Variants in CAMK1D observed in about 807,000 individuals in gnomAD.
The protein encoded by CAMK1D is calcium/calmodulin-dependent protein kinase type 1D.
Under a neutral mutation model 47.7 loss-of-function variants are expected in CAMK1D, and 9 were observed. The observed-to-expected ratio is 0.19, with a 90% CI of 0.11 to 0.33. The LOEUF (loss-of-function observed/expected upper bound fraction) is 0.33. Ranked by LOEUF, CAMK1D falls within the 10% of genes least tolerant of loss-of-function variation. The probability of loss-of-function intolerance (pLI) is 1.00; values close to 1 mark genes in which losing one functional copy is unlikely to be tolerated. For synonymous variants in CAMK1D, 184 were observed against 184.9 expected (o/e 0.99, Z 0.04); for missense variants, 291 against 488.7 (o/e 0.60, Z 3.81).
intron 3 of CAMK1D, among the ~76,000 whole-genome samples, chr10:12,751,068 T>G (rs546179417): frequency 4.8e-5 from 1 of 20,688 alleles, no homozygotes; most frequent in Non-Finnish European, 8.9e-5. Flanking sequence ...TAAGATAAGA[T>G]AAGATAAGAT....
At chr10:12,771,877 T>A (rs1837054774) in intron 5 of CAMK1D, among the ~76,000 whole-genome samples, 1 of 151,938 alleles carries the variant, frequency 6.6e-6, no homozygotes, top group Non-Finnish European at 1.5e-5. Flanking sequence ...CTACTAAAAA[T>A]ACAAAAATTA....
At chr10:12,691,349 CTATATATATATATATATATATA>C (rs1202030191) in intron 3 of CAMK1D, among the ~76,000 whole-genome samples, 1 of 74,524 alleles carries the variant, frequency 1.3e-5, no homozygotes, top group African/African-American at 6.2e-5. Context: ...CTGAAGTTTT[CTATATATATATATATATATATA>C]TATATAAATA....
rs1451987112 is a variant in CAMK1D, at chr10:12,409,843, A to G, written c.92+59933A>G. 1.3e-5 allele frequency among the ~76,000 whole-genome samples: 2 copies of G among 152,328 alleles called. 1 individual carries two copies. Among genetic ancestry groups the G allele is most frequent in the East Asian group, 3.9e-4 (2 of 5,190 alleles). ...CATCCCAAACAGAAACTCTGTACCC[A>G]TTAAGCGGTAGCTCCGCAGTACCTC... On this transcript the variant is annotated intron_variant, in intron 1 of 10. Coordinates refer to ENST00000619168, the MANE Select transcript of CAMK1D (RefSeq NM_153498.4).
chr10:12,490,798 A>C (rs1834360475), intron 1 of CAMK1D, among the ~76,000 whole-genome samples: 2 of 152,154 alleles, frequency 1.3e-5, no homozygotes, highest in Admixed American at 1.3e-4. Context: ...TGAGCCAAAA[A>C]GAAAAAAGAA....
chr10:12,667,014 T>G (rs960972045), intron 3 of CAMK1D: 1 of 564,314 alleles, frequency 1.8e-6, no homozygotes, highest in Non-Finnish European at 3.2e-6. Context: ...TGCACCAGCC[T>G]GCACTGCTGG....
intron 1 of CAMK1D, among the ~76,000 whole-genome samples, chr10:12,534,168 GTCTATCTA>G (rs3995719): frequency 4.0e-5 from 6 of 151,274 alleles, no homozygotes; most frequent in African/African-American, 1.5e-4. Context: ...CTATCTATCT[GTCTATCTA>G]TCTATCTATC....
At chr10:12,620,221 A>AAAAAAAAAAAG (rs1838958004) in intron 2 of CAMK1D, among the ~76,000 whole-genome samples, 1 of 149,340 alleles carries the variant, frequency 6.7e-6, no homozygotes, top group Non-Finnish European at 1.5e-5. Context: ...AAAAAAAATA[A>AAAAAAAAAAAG]AGCTGCTATA....
chr10:12,694,491 T>C (rs1833163664), intron 3 of CAMK1D, among the ~76,000 whole-genome samples: 1 of 129,410 alleles, frequency 7.7e-6, no homozygotes, highest in South Asian at 2.3e-4. Context: ...ATATGATATA[T>C]AACATAAAAT....
chr10:12,768,826 A>G (rs1402182144), intron 4 of CAMK1D, among the ~76,000 whole-genome samples: 2 of 152,212 alleles, frequency 1.3e-5, no homozygotes, highest in Admixed American at 6.5e-5. Context: ...CTTGCTAGGA[A>G]CAATGAGATT....
intron 5 of CAMK1D, among the ~76,000 whole-genome samples, chr10:12,786,076 G>T (rs1837712023): frequency 6.6e-6 from 1 of 151,992 alleles, no homozygotes; most frequent in African/African-American, 2.4e-5. Context: ...GATCTTGGTG[G>T]GCTTTTTCAA....
At chr10:12,816,416 G>A in intron 8 of CAMK1D, 88 bp downstream of exon 8, 1 of 1,024,730 alleles carries the variant, frequency 9.8e-7, no homozygotes. Context: ...TGTCATTTAT[G>A]AAATCCACAC....
At chr10:12,600,563 G>A (rs1364946125) in intron 2 of CAMK1D, among the ~76,000 whole-genome samples, 1 of 152,180 alleles carries the variant, frequency 6.6e-6, no homozygotes, top group Non-Finnish European at 1.5e-5. Flanking sequence ...CAAGAAGTCC[G>A]ATAATGAAAG....
chr10:12,804,063 C>A (rs1436438835), intron 6 of CAMK1D, among the ~76,000 whole-genome samples: 1 of 152,126 alleles, frequency 6.6e-6, no homozygotes, highest in Admixed American at 6.5e-5. Flanking sequence ...GTTGAAGTTT[C>A]CTTGTGTTCA....
chr10:12,413,002 C>T (rs1367872603), intron 1 of CAMK1D, among the ~76,000 whole-genome samples: 1 of 152,126 alleles, frequency 6.6e-6, no homozygotes, highest in Non-Finnish European at 1.5e-5. Flanking sequence ...TTCTGGGAGC[C>T]CCAATGTGGG....
At chr10:12,598,924 TG>T (rs772101545) in intron 2 of CAMK1D, among the ~76,000 whole-genome samples, 14 of 152,162 alleles carry the variant, frequency 9.2e-5, no homozygotes, top group Non-Finnish European at 1.6e-4. Context: ...TCTCTGCATT[TG>T]GGGTGGGAGG....
At chr10:12,821,953 G>A (rs540596139) in intron 8 of CAMK1D, among the ~76,000 whole-genome samples, 46 of 152,128 alleles carry the variant, frequency 3.0e-4, no homozygotes, top group African/African-American at 1.1e-3. Context: ...CAGCCTGGGC[G>A]ACAGAGCAAG....
At chr10:12,801,367 TATC>T (rs1838463887) in intron 6 of CAMK1D, among the ~76,000 whole-genome samples, 1 of 130,366 alleles carries the variant, frequency 7.7e-6, no homozygotes, top group Non-Finnish European at 1.6e-5. Context: ...TCTATCTATC[TATC>T]TATCTATCTA....
At chr10:12,406,782 G>A (rs906399290) in intron 1 of CAMK1D, among the ~76,000 whole-genome samples, 2 of 144,788 alleles carry the variant, frequency 1.4e-5, no homozygotes, top group African/African-American at 2.6e-5. Context: ...AAAGTCATGC[G>A]TCCAAATCTC....
At chr10:12,627,919 A>T (rs1445765966) in intron 2 of CAMK1D, among the ~76,000 whole-genome samples, 2 of 152,032 alleles carry the variant, frequency 1.3e-5, no homozygotes, top group African/African-American at 4.8e-5. Flanking sequence ...CTCTACTAAA[A>T]ATACAAAAAA....
Sources: allele counts gnomAD v4.1 joint callset (sites outside exome capture counted in the v4.1 genomes callset), GRCh38; gene constraint gnomAD v4.1.1; transcripts MANE v1.5; gene names NCBI Gene and HGNC (gene_info 2026-07-23, HGNC 2026-07-21).